Variants in SLC52A3 observed in about 807,000 individuals in gnomAD.
SLC52A3 encodes the protein solute carrier family 52 member 3, also known as solute carrier family 52, riboflavin transporter, member 3.
SLC52A3 carries 20 observed loss-of-function variants against 29.5 expected under a neutral mutation model. The observed-to-expected ratio is 0.68, with a 90% CI of 0.48 to 0.99. The LOEUF is 0.99. SLC52A3 is among the 50% of genes least tolerant of loss of function. The pLI is 0.00. For missense variants in SLC52A3, 548 were observed against 612.9 expected (o/e 0.89, Z 1.12); for synonymous variants, 301 against 271.0 (o/e 1.11, Z -1.09).
intron 3 of SLC52A3, among the ~76,000 whole-genome samples, chr20:762,929 C>G (rs1425959235): frequency 6.6e-6 from 1 of 152,200 alleles, no homozygotes; most frequent in Non-Finnish European, 1.5e-5. Context: ...CGTCTGGTTT[C>G]CTTACTAAAA....
upstream of SLC52A3, among the ~76,000 whole-genome samples, chr20:773,129 A>G (rs1355622622): frequency 2.0e-5 from 3 of 152,202 alleles, no homozygotes; most frequent in Non-Finnish European, 4.4e-5. Context: ...AGTTTTTAAC[A>G]GGATCGTGCT....
chr20:765,142 G>A lies in SLC52A3; in HGVS notation c.567+66C>T. 2 of 1,581,112 alleles carry A rather than the reference G, an allele frequency of 1.3e-6. No individual in the cohort carries two copies. Among genetic ancestry groups the A allele is most frequent in the Admixed American group, 3.4e-5 (2 of 59,682 alleles). ...GAACCTAGAAGGATGGAGGTGAGCA[G>A]TTTTTCCCTCCCCTACATTTGTGAT... On this transcript the variant is annotated intron_variant, in intron 2 of 4. Coordinates refer to ENST00000645534, the MANE Select transcript of SLC52A3 (RefSeq NM_033409.4). The surrounding 1 kb of genome is among the most constrained non-coding windows in gnomAD (Gnocchi z 6.6).
chr20:763,270 T>G (rs1986549602), intron 3 of SLC52A3, among the ~76,000 whole-genome samples: 1 of 152,140 alleles, frequency 6.6e-6, no homozygotes, highest in Admixed American at 6.6e-5. Context: ...TCCTAGGAGG[T>G]GGAATGTTAC....
chr20:761,297 GC>G, intron 4 of SLC52A3, 59 bp from the exon 5 acceptor site: 1 of 1,481,152 alleles, frequency 6.8e-7, no homozygotes, highest in Admixed American at 2.1e-5. Context: ...GAGCGCCGGA[GC>G]AAAGAACTCT....
upstream of SLC52A3, among the ~76,000 whole-genome samples, chr20:772,189 C>T (rs1271865930): frequency 6.6e-6 from 1 of 152,234 alleles, no homozygotes; most frequent in Non-Finnish European, 1.5e-5. Flanking sequence ...TGTTCGACAA[C>T]TCCTAAGCTC....
chr20:774,569 G>A (rs1986953997), intron 1 of SLC52A3, among the ~76,000 whole-genome samples: 2 of 152,194 alleles, frequency 1.3e-5, no homozygotes, highest in South Asian at 2.1e-4. Context: ...CAGAAATGGG[G>A]AGAAAGGACA....
rs1444257398 is a variant in SLC52A3 at position 765,778 on chromosome 20, G to A, written c.-4C>T. 9 of 1,598,310 alleles carry A rather than the reference G, an allele frequency of 5.6e-6. No individual in the cohort carries two copies. Among genetic ancestry groups the A allele is most frequent in the Middle Eastern group, 1.7e-4 (1 of 6,038 alleles). ...GCAGGTGCATCAGGAAGGCCATGGC[G>A]GTATCTGCCCTGGGCCAGAGGCTTT... is the stretch of plus-strand genomic sequence containing the variant. On this transcript the variant is annotated 5_prime_UTR_variant, in exon 2 of 5. Transcript: ENST00000645534. This position sits in a 1 kb window ranked among gnomAD's most constrained non-coding sequence, Gnocchi z 6.6.
rs771402520 is a variant in SLC52A3, at chr20:761,200, G to C, written c.1236C>G (p.Tyr412Ter). Residue 412 changes from tyrosine (Y) to a stop codon, truncating the protein, a stop_gained, in exon 5 of 5, where the codon TAC becomes TAG. Transcript: ENST00000645534. LOFTEE classifies it high-confidence loss of function. ...GGACCACGCCCAGCATCACCTTGAC[G>C]TAACTGAGGCAGCCGCTGAAAAGCA... ...SWVLFSGCLS[Y>*]VKVMLGVVLR... 1 of 1,562,726 alleles carries C rather than the reference G, an allele frequency of 6.4e-7. No homozygotes were observed. Among genetic ancestry groups the C allele is most frequent in the South Asian group, 1.2e-5 (1 of 85,112 alleles).
chr20:770,399 C>T (rs1185609082), upstream of SLC52A3, among the ~76,000 whole-genome samples: 1 of 152,156 alleles, frequency 6.6e-6, no homozygotes, highest in Non-Finnish European at 1.5e-5. The surrounding 1 kb of genome is among the most constrained non-coding windows in gnomAD (Gnocchi z 4.5). Context: ...TTCAAGTGAT[C>T]CCCACGCCTC....
rs1599957845 is a variant in SLC52A3 at position 763,709 on chromosome 20, G to C, written c.862C>G (p.Leu288Val). 5.6e-6 allele frequency: 9 copies of C among 1,614,132 alleles called. No individual in the cohort carries two copies. Among genetic ancestry groups the C allele is most frequent in the Non-Finnish European group, 7.6e-6 (9 of 1,179,988 alleles). ...CAGCAGGGGGCTGCTTTCTCCTCTA[G>C]ATACCCCTGGCCCTGGCTGCTGTCC... ...TVDSSQGQGY[L>V]EEKAAPCCPA... The change falls in exon 3 of 5, where the codon CTA becomes GTA. Residue 288 changes from leucine (L) to valine (V), a missense_variant. Physicochemically the swap from Leu to Val is conservative, Grantham distance 32. Around this residue, in one of 2 missense-constraint regions of SLC52A3, gnomAD observed 375 missense variants for 471.1 expected, o/e 0.80. Coordinates refer to ENST00000645534, the MANE Select transcript of SLC52A3 (RefSeq NM_033409.4).
upstream of SLC52A3, among the ~76,000 whole-genome samples, chr20:772,872 A>G (rs571847): frequency 0.62 from 94,783 of 152,068 alleles, 29,922 homozygotes; most frequent in East Asian, 0.86. Context: ...AGCTGTCTGC[A>G]GAAAGCACGG....
At chr20:770,687 A>C (rs1385832224), upstream of SLC52A3, among the ~76,000 whole-genome samples, 1 of 152,240 alleles carries the variant, frequency 6.6e-6, no homozygotes, top group Non-Finnish European at 1.5e-5. This position sits in a 1 kb window ranked among gnomAD's most constrained non-coding sequence, Gnocchi z 4.5. Flanking sequence ...AAATACCACG[A>C]CTAAAACCAG....
chr20:777,843 C>T (rs551920091), upstream of SLC52A3, among the ~76,000 whole-genome samples: 4 of 152,194 alleles, frequency 2.6e-5, no homozygotes, highest in Admixed American at 1.3e-4. Context: ...CCCAAATACA[C>T]CTCTTTGACA....
At position 763,750 on chromosome 20, in the gene SLC52A3, C is replaced by T. The variant is rs746898260; in HGVS notation, c.821G>A (p.Gly274Asp). ...SIRPREENDL[G>D]PAGTVDSSQG... The stretch of plus-strand genomic sequence containing the variant: ...GCTGCTGTCCACCGTGCCTGCAGGG[C>T]CCAAGTCATTCTCTTCCCGCGGCCG... The change falls in exon 3 of 5, where the codon GGC becomes GAC. Residue 274 changes from glycine (G) to aspartate (D), a missense_variant. Physicochemically the swap from Gly to Asp is moderately conservative, Grantham distance 94 (BLOSUM62 -1). Transcript: ENST00000645534. The T allele has an allele frequency of 2.5e-6, 4 of 1,614,170 alleles. No individual in the cohort carries two copies. Among genetic ancestry groups the T allele is most frequent in the Non-Finnish European group, 2.5e-6 (3 of 1,180,008 alleles).
chr20:764,577 C>G (rs1238808527), intron 2 of SLC52A3, among the ~76,000 whole-genome samples: 1 of 145,662 alleles, frequency 6.9e-6, no homozygotes, highest in East Asian at 2.0e-4. Flanking sequence ...GAAATAAGGG[C>G]CTTCAGGACA....
chr20:766,863 T>G (rs187114330), intron 1 of SLC52A3, among the ~76,000 whole-genome samples: 1 of 152,162 alleles, frequency 6.6e-6, no homozygotes, highest in Non-Finnish European at 1.5e-5. Flanking sequence ...GGGCCAAGGA[T>G]ATGAACAATT....
upstream of SLC52A3, among the ~76,000 whole-genome samples, chr20:769,510 A>G (rs1220736893): frequency 1.3e-5 from 2 of 152,254 alleles, no homozygotes; most frequent in Non-Finnish European, 2.9e-5. Flanking sequence ...CATGCACTAA[A>G]GTGCTAAAAC....
At chr20:771,252 C>G (rs1986834043), upstream of SLC52A3, among the ~76,000 whole-genome samples, 1 of 152,024 alleles carries the variant, frequency 6.6e-6, no homozygotes, top group Admixed American at 6.6e-5. Context: ...ATGGTAAAAC[C>G]CTGTCTTTAC....
chr20:764,587 ATGCCATCCCAAAATATGACTG>A (rs1875885272), intron 2 of SLC52A3, among the ~76,000 whole-genome samples: 1 of 149,450 alleles, frequency 6.7e-6, no homozygotes, highest in Admixed American at 6.7e-5. Context: ...CCTTCAGGAC[ATGCCATCCCAAAATATGACTG>A]TAGGAGGCCA....
Sources: allele counts gnomAD v4.1 joint callset (sites outside exome capture counted in the v4.1 genomes callset), GRCh38; gene constraint gnomAD v4.1.1; regional missense constraint gnomAD v4.1.1; non-coding constraint Gnocchi (gnomAD v3.1); transcripts MANE v1.5; gene names NCBI Gene and HGNC (gene_info 2026-07-23, HGNC 2026-07-21).